The following CDK13 variants were observed in gnomAD, a reference collection of about 807,000 sequenced individuals.
CDK13 encodes the protein cyclin-dependent kinase 13.
Under a neutral mutation model 137.6 loss-of-function variants are expected in CDK13, and 40 were observed. The observed-to-expected ratio is 0.29, with a 90% CI of 0.23 to 0.38. CDK13 has a LOEUF of 0.38. Ranked by LOEUF, CDK13 falls within the 10% of genes least tolerant of loss-of-function variation. The probability of loss-of-function intolerance (pLI) is 1.00; values close to 1 mark genes in which losing one functional copy is unlikely to be tolerated. For missense variants in CDK13, 1,704 were observed against 1,951.8 expected (o/e 0.87, Z 2.39); for synonymous variants, 869 against 760.1 (o/e 1.14, Z -2.36).
At chr7:40,071,436 C>G (rs538282545) in intron 9 of CDK13, 1 of 152,168 alleles carries the variant, frequency 6.6e-6, no homozygotes, top group South Asian at 2.1e-4. Flanking sequence ...TTTTCAATAG[C>G]CTTTTTGGAT....
chr7:40,058,277 A>C (rs937500411), intron 7 of CDK13, among the ~76,000 whole-genome samples: 1 of 152,308 alleles, frequency 6.6e-6, no homozygotes, highest in African/African-American at 2.4e-5. Flanking sequence ...AGTCTTATCA[A>C]CTGAAGTAAA....
At chr7:39,991,890 A>C (rs1162233806) in intron 2 of CDK13, among the ~76,000 whole-genome samples, 1 of 151,862 alleles carries the variant, frequency 6.6e-6, no homozygotes, top group East Asian at 2.0e-4. Flanking sequence ...CATCTCTTCA[A>C]AAAATACAAA....
At chr7:40,083,502 T>C (rs560125793) in intron 11 of CDK13, among the ~76,000 whole-genome samples, 1 of 152,312 alleles carries the variant, frequency 6.6e-6, no homozygotes, top group South Asian at 2.1e-4. Flanking sequence ...GCATGTAATA[T>C]CAGTGCTACT....
intron 5 of CDK13, among the ~76,000 whole-genome samples, chr7:40,024,456 TA>T (rs1006830434): frequency 2.0e-5 from 3 of 152,168 alleles, no homozygotes; most frequent in Non-Finnish European, 4.4e-5. Context: ...CTAAAAGTAA[TA>T]ACAATTTCTC....
chr7:39,961,953 A>G (rs773415), intron 1 of CDK13, among the ~76,000 whole-genome samples: 1 of 151,914 alleles, frequency 6.6e-6, no homozygotes, highest in African/African-American at 2.4e-5. Flanking sequence ...ATATCCCTAC[A>G]AAGGACATGA....
At chr7:39,963,160 GA>G (rs1783788734) in intron 1 of CDK13, among the ~76,000 whole-genome samples, 1 of 152,142 alleles carries the variant, frequency 6.6e-6, no homozygotes, top group South Asian at 2.1e-4. Context: ...ATTCTGTGAA[GA>G]AAGTCATTGG....
intron 5 of CDK13, among the ~76,000 whole-genome samples, chr7:40,023,664 T>C (rs1785177433): frequency 6.6e-6 from 1 of 151,816 alleles, no homozygotes; most frequent in African/African-American, 2.4e-5. Context: ...CACGCCTGGC[T>C]AATTTTTTGT....
intron 9 of CDK13, among the ~76,000 whole-genome samples, chr7:40,077,282 C>T (rs1416104146): frequency 1.3e-5 from 2 of 152,112 alleles, no homozygotes; most frequent in Non-Finnish European, 2.9e-5. Flanking sequence ...AAATCCGTTT[C>T]TGCTATTATT....
intron 5 of CDK13, among the ~76,000 whole-genome samples, chr7:40,028,421 T>C (rs1239515133): frequency 6.6e-6 from 1 of 152,050 alleles, no homozygotes; most frequent in East Asian, 1.9e-4. Flanking sequence ...GGTTTCACCA[T>C]GTTGGCCAGG....
Position 40,063,114 on chromosome 7 carries a change from T to G in CDK13, c.2780+14T>G. ...AGAATTAATAAGGTAAGCTGCTGAT[T>G]ATAATATTGGTGGGAATTGGGAGAG... is the stretch of plus-strand genomic sequence containing the variant. On this transcript the variant is annotated intron_variant, in intron 9 of 13. Transcript: ENST00000181839. 6.3e-7 allele frequency: 1 copy of G among 1,579,476 alleles called. No homozygotes were observed. The highest frequency in any genetic ancestry group is 8.7e-7 in the Non-Finnish European group (1 of 1,148,508).
At chr7:40,040,520 A>G (rs1785582719) in intron 5 of CDK13, among the ~76,000 whole-genome samples, 1 of 152,218 alleles carries the variant, frequency 6.6e-6, no homozygotes, top group South Asian at 2.1e-4. Context: ...CTACGTGGAT[A>G]TACATTACAG....
chr7:39,999,609 TA>T, intron 4 of CDK13, 109 bp downstream of exon 4: 1 of 1,086,898 alleles, frequency 9.2e-7, no homozygotes, highest in Non-Finnish European at 1.3e-6. Context: ...AATTCAATTT[TA>T]TTGTGCTTTT....
Position 39,976,323 on chromosome 7 carries a change from T to TCTCTCTCTCTCTCTCTCTCACA in CDK13, c.1212-11275_1212-11274insTCTCTCTCTCTCTCTCTCACAC. ...CTCTCTCTCTCTCTCTCTCTCTCTC[T>TCTCTCTCTCTCTCTCTCTCACA]CACACACACACACACACACACACAC... is the stretch of plus-strand genomic sequence containing the variant. On this transcript the variant is annotated intron_variant, in intron 1 of 13. Coordinates refer to ENST00000181839, the MANE Select transcript of CDK13 (RefSeq NM_003718.5). 4.3e-3 allele frequency among the ~76,000 whole-genome samples: 169 copies of TCTCTCTCTCTCTCTCTCTCACA among 39,530 alleles called. 4 individuals are homozygous for TCTCTCTCTCTCTCTCTCTCACA. Among genetic ancestry groups the TCTCTCTCTCTCTCTCTCTCACA allele is most frequent in the East Asian group, 0.014 (20 of 1,412 alleles). 25.9% of individuals were successfully genotyped at this position (39,530 alleles called of 152,430 possible).
chr7:40,008,620 C>T (rs1164230535), intron 5 of CDK13, among the ~76,000 whole-genome samples: 1 of 152,170 alleles, frequency 6.6e-6, no homozygotes, highest in Non-Finnish European at 1.5e-5. Flanking sequence ...GTGGAACCTA[C>T]CCAATAAGTC....
chr7:40,037,773 C>A (rs900333855), intron 5 of CDK13, among the ~76,000 whole-genome samples: 6 of 152,130 alleles, frequency 3.9e-5, no homozygotes, highest in African/African-American at 1.4e-4. Flanking sequence ...TTGCTTTGTT[C>A]TACCATATAC....
At chr7:40,090,772 G>C (rs1165462372) in intron 12 of CDK13, among the ~76,000 whole-genome samples, 1 of 152,194 alleles carries the variant, frequency 6.6e-6, no homozygotes, top group African/African-American at 2.4e-5. Flanking sequence ...TTGCGGGGCT[G>C]AAGCAGGAAA....
chr7:40,026,798 C>T (rs995296646), intron 5 of CDK13, among the ~76,000 whole-genome samples: 5 of 151,988 alleles, frequency 3.3e-5, no homozygotes, highest in South Asian at 2.1e-4. Flanking sequence ...GGAAATAATC[C>T]GAATAATAAA....
intron 5 of CDK13, among the ~76,000 whole-genome samples, chr7:40,003,679 G>A (rs565782933): frequency 6.6e-6 from 1 of 152,240 alleles, no homozygotes; most frequent in South Asian, 2.1e-4. Context: ...CAGTGTATTT[G>A]ATTTTCCTCC....
In CDK13 at chr7:39,979,194, G is replaced by C. The variant is rs193083260; in HGVS notation, c.1212-8405G>C. Among the ~76,000 whole-genome samples, 571 of 149,928 alleles carry C rather than the reference G, an allele frequency of 3.8e-3. 8 individuals carry two copies. The highest frequency in any genetic ancestry group is 0.013 in the African/African-American group (545 of 40,452). ...TAAAGTAAAAAAGACTAGTAACGTA[G>C]ATTTTTTTCTTTCTTTTTTTTCTTT... On this transcript the variant is annotated intron_variant, in intron 1 of 13. Transcript: ENST00000181839.
Sources: allele counts gnomAD v4.1 joint callset (sites outside exome capture counted in the v4.1 genomes callset), GRCh38; gene constraint gnomAD v4.1.1; transcripts MANE v1.5; gene names NCBI Gene and HGNC (gene_info 2026-07-23, HGNC 2026-07-21).